Variants in JCAD observed in about 807,000 individuals in gnomAD.
JCAD encodes the protein junctional cadherin 5 associated.
A neutral mutation model predicts 98.0 loss-of-function variants in JCAD; 40 were observed. That is an observed-to-expected ratio of 0.41 (90% CI 0.32 to 0.53). The LOEUF is 0.53. Ranked by LOEUF, JCAD falls within the 20% of genes least tolerant of loss-of-function variation. The pLI, the probability that JCAD is intolerant of heterozygous loss-of-function variation, is 0.31. For synonymous variants in JCAD, 691 were observed against 682.3 expected, an observed-to-expected ratio of 1.01 and a Z score of -0.20; for missense variants, 1,705 against 1,738.1, an observed-to-expected ratio of 0.98 and a Z score of 0.34.
In JCAD at chr10:30,027,451, C is replaced by T. The variant is rs1041422385; in HGVS notation, c.2697G>A (p.Pro899=). ...TTCCCGACCTACACACAGGGCTCTC[C>T]GGCACCCACATCCTCGGCTGTGGCT... ...RVEPQPRMWV[P]ESPVCRSGRG... is the part of the protein sequence containing the mutation. Residue 899 remains proline, a synonymous_variant, in exon 3 of 4, where the codon CCG becomes CCA. Coordinates refer to ENST00000375377, the MANE Select transcript of JCAD (RefSeq NM_020848.4). 7 of 1,604,742 alleles carry T rather than the reference C, an allele frequency of 4.4e-6. No homozygotes were observed. In the African/African-American group the frequency reaches 5.3e-5, roughly 12 times the overall value.
intron 2 of JCAD, among the ~76,000 whole-genome samples, chr10:30,036,955 C>T (rs1322462460): frequency 6.6e-6 from 1 of 152,252 alleles, no homozygotes; most frequent in African/African-American, 2.4e-5. Context: ...CTGGCCTAGC[C>T]TGTTCCTTCA....
intron 1 of JCAD, among the ~76,000 whole-genome samples, chr10:30,058,513 C>T (rs987769684): frequency 5.3e-5 from 8 of 152,218 alleles, no homozygotes; most frequent in African/African-American, 1.9e-4. Flanking sequence ...TTTTTATTTT[C>T]TTCTTCAGTA....
At chr10:30,106,330 C>T (rs1439977108) in intron 1 of JCAD, among the ~76,000 whole-genome samples, 1 of 151,854 alleles carries the variant, frequency 6.6e-6, no homozygotes, top group Non-Finnish European at 1.5e-5. Context: ...ACTTGGGAGG[C>T]TAAGACAGGA....
At chr10:30,077,545 T>C (rs1056307778) in intron 1 of JCAD, among the ~76,000 whole-genome samples, 4 of 152,218 alleles carry the variant, frequency 2.6e-5, no homozygotes, top group African/African-American at 7.2e-5. Context: ...AGAAACTTTG[T>C]ATCATCCCAA....
At chr10:30,042,913 G>T (rs1270873134) in intron 2 of JCAD, among the ~76,000 whole-genome samples, 1 of 152,296 alleles carries the variant, frequency 6.6e-6, no homozygotes, top group East Asian at 1.9e-4. Context: ...CCACAGTCAG[G>T]CTTCACAGTC....
rs77323946 is a variant in JCAD, at chr10:30,034,250, G to A, written c.282-4384C>T. The stretch of plus-strand genomic sequence containing the variant: ...TAATAATAATAATAATAATAATAAT[G>A]ATAATAACAATAATTCTGTATCTAC... On this transcript the variant is annotated intron_variant, in intron 2 of 3. Transcript: ENST00000375377. Among the ~76,000 whole-genome samples, 178 of 142,232 alleles carry A rather than the reference G, an allele frequency of 1.3e-3. 2 individuals carry two copies. The South Asian group carries it at 0.023, about 19-fold the overall frequency. The allele number at this position is 142,232 out of a possible 152,430, so 93.3% of individuals were successfully genotyped here.
At chr10:30,024,207 G>C (rs1201784572) in intron 3 of JCAD, among the ~76,000 whole-genome samples, 1 of 152,108 alleles carries the variant, frequency 6.6e-6, no homozygotes, top group Non-Finnish European at 1.5e-5. Flanking sequence ...AGGTTTCCAT[G>C]AACTGAGACA....
chr10:30,090,314 G>T (rs536692086), intron 1 of JCAD, among the ~76,000 whole-genome samples: 1 of 152,326 alleles, frequency 6.6e-6, no homozygotes, highest in Admixed American at 6.5e-5. Context: ...GGCTGAGGCG[G>T]GTGGATCACT....
At chr10:30,104,817 G>A (rs1208614979) in intron 1 of JCAD, among the ~76,000 whole-genome samples, 1 of 152,116 alleles carries the variant, frequency 6.6e-6, no homozygotes, top group Non-Finnish European at 1.5e-5. Flanking sequence ...TTTTTTAAAT[G>A]AACTGTGTTT....
chr10:30,101,178 G>A (rs962749633), intron 1 of JCAD, among the ~76,000 whole-genome samples: 11 of 152,204 alleles, frequency 7.2e-5, no homozygotes, highest in Admixed American at 6.5e-4. Flanking sequence ...GGAGGCCAAG[G>A]CAGGTGGATC....
chr10:30,044,754 TGGG>T (rs1837303000), intron 2 of JCAD: 1 of 972,580 alleles, frequency 1.0e-6, no homozygotes, highest in East Asian at 1.1e-4. Context: ...TTGTTTCTGA[TGGG>T]GAAAAACAAT....
At chr10:30,047,290 T>G (rs1020085364) in intron 2 of JCAD, among the ~76,000 whole-genome samples, 1 of 152,180 alleles carries the variant, frequency 6.6e-6, no homozygotes, top group Non-Finnish European at 1.5e-5. Context: ...GAGAATTGCT[T>G]GAACCCTGGA....
intron 1 of JCAD, among the ~76,000 whole-genome samples, chr10:30,092,099 T>TAAATAC (rs1491386901): frequency 4.4e-4 from 4 of 9,146 alleles, no homozygotes; most frequent in Middle Eastern, 0.12. Flanking sequence ...AAAGTTACTT[T>TAAATAC]ATATATATAT....
chr10:30,031,975 C>T (rs1387626615), intron 2 of JCAD, among the ~76,000 whole-genome samples: 6 of 147,046 alleles, frequency 4.1e-5, no homozygotes, highest in Admixed American at 1.4e-4. Context: ...GGGATGGTCT[C>T]GATCTCCTGA....
chr10:30,112,110 A>C (rs748587718), intron 1 of JCAD, among the ~76,000 whole-genome samples: 1 of 152,206 alleles, frequency 6.6e-6, no homozygotes, highest in Non-Finnish European at 1.5e-5. Context: ...ATATACACAC[A>C]ATGGACTATC....
At chr10:30,109,465 T>G (rs1838649107) in intron 1 of JCAD, among the ~76,000 whole-genome samples, 1 of 152,176 alleles carries the variant, frequency 6.6e-6, no homozygotes, top group Admixed American at 6.5e-5. Context: ...GGCCCTGTCT[T>G]CAGCTCAAGC....
chr10:30,056,504 A>G (rs190904820), intron 1 of JCAD, among the ~76,000 whole-genome samples: 2 of 152,034 alleles, frequency 1.3e-5, no homozygotes, highest in East Asian at 1.9e-4. Context: ...CTTCCTACAC[A>G]GACAAGTTGC....
chr10:30,048,389 T>C (rs1837400286), intron 1 of JCAD, among the ~76,000 whole-genome samples: 2 of 152,186 alleles, frequency 1.3e-5, no homozygotes, highest in African/African-American at 4.8e-5. Flanking sequence ...AACACAGTCA[T>C]GATACAATTC....
In JCAD at chr10:30,059,196, A is replaced by T. The variant is rs1837649799; in HGVS notation, c.-60+286T>A. ...CGCGGCCCGCGGTGCCCGCCCCGGG[A>T]CCCCCGCGCTCCGAGCGGGGCACCT... On this transcript the variant is annotated intron_variant, in intron 1 of 3. Coordinates refer to ENST00000375377, the MANE Select transcript of JCAD (RefSeq NM_020848.4). This position sits in a 1 kb window ranked among gnomAD's most constrained non-coding sequence, Gnocchi z 5.0. Among the ~76,000 whole-genome samples, 1 of 150,386 alleles carries T rather than the reference A, an allele frequency of 6.6e-6. No homozygotes were observed. The highest frequency in any genetic ancestry group is 2.4e-5 in the African/African-American group (1 of 40,866).
Sources: allele counts gnomAD v4.1 joint callset (sites outside exome capture counted in the v4.1 genomes callset), GRCh38; gene constraint gnomAD v4.1.1; non-coding constraint Gnocchi (gnomAD v3.1); transcripts MANE v1.5; gene names NCBI Gene and HGNC (gene_info 2026-07-23, HGNC 2026-07-21).